Variants in GRID2 observed in about 807,000 individuals in gnomAD.
GRID2 encodes glutamate receptor ionotropic, delta-2.
In GRID2, 33 loss-of-function variants were observed where a neutral mutation model predicts 114.8. That is an observed-to-expected ratio of 0.29 (90% confidence interval 0.22 to 0.38). GRID2 has a LOEUF of 0.38. Ranked by LOEUF, GRID2 falls within the 10% of genes least tolerant of loss-of-function variation. The pLI, the probability that GRID2 is intolerant of heterozygous loss-of-function variation, is 1.00. For missense variants in GRID2, 1,184 were observed against 1,257.7 expected (o/e 0.94, Z 0.89); for synonymous variants, 505 against 449.9 (o/e 1.12, Z -1.55).
chr4:92,348,274 A>G (rs1727882441), intron 1 of GRID2, among the ~76,000 whole-genome samples: 1 of 152,140 alleles, frequency 6.6e-6, no homozygotes, highest in Non-Finnish European at 1.5e-5. Context: ...AGACTTTAAT[A>G]TTTTAGGCGA....
At chr4:93,665,425 G>C (rs1029896856) in intron 14 of GRID2, among the ~76,000 whole-genome samples, 2 of 152,162 alleles carry the variant, frequency 1.3e-5, no homozygotes, top group Non-Finnish European at 1.5e-5. Flanking sequence ...ATGTGGGGTA[G>C]TGTTTTTACT....
intron 14 of GRID2, among the ~76,000 whole-genome samples, chr4:93,697,272 A>G (rs538854371): frequency 6.6e-6 from 1 of 152,276 alleles, no homozygotes; most frequent in South Asian, 2.1e-4. Flanking sequence ...TTTTCTGAAA[A>G]GAAGTAGACT....
At chr4:93,344,428 T>G (rs963563911) in intron 8 of GRID2, among the ~76,000 whole-genome samples, 1 of 151,676 alleles carries the variant, frequency 6.6e-6, no homozygotes, top group African/African-American at 2.4e-5. Context: ...TTTTCCCCCC[T>G]CAGCTTTATT....
At chr4:92,934,216 T>C (rs1750461733) in intron 2 of GRID2, among the ~76,000 whole-genome samples, 1 of 151,832 alleles carries the variant, frequency 6.6e-6, no homozygotes, top group African/African-American at 2.4e-5. Context: ...CATTGAGCAG[T>C]GGTTTCTAGT....
At chr4:92,972,203 ATTTT>A (rs748827964) in intron 2 of GRID2, among the ~76,000 whole-genome samples, 11 of 140,380 alleles carry the variant, frequency 7.8e-5, no homozygotes, top group Non-Finnish European at 1.4e-4. Flanking sequence ...CTTTGCTAGC[ATTTT>A]TTTTTTTTTG....
chr4:92,537,793 G>T (rs1025209847), intron 1 of GRID2, among the ~76,000 whole-genome samples: 3 of 130,730 alleles, frequency 2.3e-5, no homozygotes, highest in Admixed American at 1.4e-4. Flanking sequence ...CGGTGTGTGT[G>T]TGTGTGTGTG....
intron 2 of GRID2, among the ~76,000 whole-genome samples, chr4:92,958,924 G>A (rs1440039339): frequency 1.3e-5 from 2 of 151,774 alleles, no homozygotes; most frequent in African/African-American, 4.8e-5. Flanking sequence ...GAGTAGGTCT[G>A]TTTCAACTAG....
intron 8 of GRID2, among the ~76,000 whole-genome samples, chr4:93,267,151 A>G (rs1181565898): frequency 6.7e-6 from 1 of 148,408 alleles, no homozygotes; most frequent in African/African-American, 2.5e-5. Context: ...GTTCCATTGA[A>G]TAGTACACAC....
chr4:92,404,778 G>A (rs893223792), intron 1 of GRID2, among the ~76,000 whole-genome samples: 1 of 152,104 alleles, frequency 6.6e-6, no homozygotes, highest in Admixed American at 6.6e-5. Flanking sequence ...ACTAACACAG[G>A]AACAGAAAAC....
rs772819245 is a variant in GRID2 at position 93,395,711 on chromosome 4, A to G, written c.1347+3A>G. ...TTCTACGTGTAGTAACTGTTCTGGT[A>G]AGTATTATCTGAGCCTCGTGGTTTT... On this transcript the variant is annotated splice_donor_region_variant and intron_variant, in intron 9 of 15. Coordinates refer to ENST00000282020, the MANE Select transcript of GRID2 (RefSeq NM_001510.4). 3 of 1,335,670 alleles carry G rather than the reference A, an allele frequency of 2.2e-6. No homozygotes were observed. The highest frequency in any genetic ancestry group is 1.2e-5 in the South Asian group (1 of 83,984). The allele number at this position is 1,335,670 out of a possible 1,614,324, so 82.7% of individuals were successfully genotyped here. A position where few individuals can be genotyped will look rare whatever the true frequency, so the allele number is the denominator to read the frequency against.
At chr4:92,986,072 T>C (rs955976917) in intron 2 of GRID2, among the ~76,000 whole-genome samples, 2 of 152,194 alleles carry the variant, frequency 1.3e-5, no homozygotes, top group African/African-American at 2.4e-5. Flanking sequence ...GTAAAATTGA[T>C]TTTTATATTT....
intron 2 of GRID2, among the ~76,000 whole-genome samples, chr4:93,078,587 C>G (rs963211056): frequency 1.3e-5 from 2 of 149,412 alleles, no homozygotes; most frequent in African/African-American, 2.4e-5. Flanking sequence ...TCTGAATTTC[C>G]TTAAATCGGG....
intron 13 of GRID2, among the ~76,000 whole-genome samples, chr4:93,532,388 T>TCAGAA (rs1278753942): frequency 6.6e-6 from 1 of 152,190 alleles, no homozygotes; most frequent in Admixed American, 6.6e-5. Context: ...TATGCTTTCA[T>TCAGAA]TTACTGATTC....
intron 13 of GRID2, among the ~76,000 whole-genome samples, chr4:93,551,875 G>A (rs186561876): frequency 6.6e-6 from 1 of 152,166 alleles, no homozygotes; most frequent in South Asian, 2.1e-4. Context: ...ATATTTAAAT[G>A]TGTTTTTTAA....
chr4:93,778,600 G>A (rs1028945423), downstream of GRID2, among the ~76,000 whole-genome samples: 1 of 152,046 alleles, frequency 6.6e-6, no homozygotes, highest in South Asian at 2.1e-4. Context: ...GTTTCACCAT[G>A]TTGGGCAGGC....
intron 8 of GRID2, among the ~76,000 whole-genome samples, chr4:93,394,600 CA>C (rs1765153941): frequency 1.3e-5 from 2 of 151,886 alleles, no homozygotes; most frequent in African/African-American, 4.8e-5. Context: ...GGAAACAGCA[CA>C]AATAACCATT....
At chr4:93,622,356 C>A (rs1160897769) in intron 13 of GRID2, among the ~76,000 whole-genome samples, 1 of 152,130 alleles carries the variant, frequency 6.6e-6, no homozygotes, top group Admixed American at 6.5e-5. Flanking sequence ...GATGATATTA[C>A]TCATTTTTTT....
intron 8 of GRID2, among the ~76,000 whole-genome samples, chr4:93,249,514 T>G (rs1313861916): frequency 6.6e-6 from 1 of 152,178 alleles, no homozygotes; most frequent in East Asian, 1.9e-4. Flanking sequence ...GAGCATGGAA[T>G]GTTTTTCCAT....
At position 92,915,715 on chromosome 4, in the gene GRID2, G is replaced by A. The variant is rs1376396279; in HGVS notation, c.245-169280G>A. Among the ~76,000 whole-genome samples, 12 of 152,040 alleles carry A rather than the reference G, an allele frequency of 7.9e-5. No individual in the cohort carries two copies. The East Asian group carries it at 9.7e-4, about 12-fold the overall frequency. ...TATAAGTGTTCCTTTACTGCATAGCGTGGCCAGCATCTGTTATTTCTGACT... is the reference window on the plus strand; with the variant it reads ...TATAAGTGTTCCTTTACTGCATAGCATGGCCAGCATCTGTTATTTCTGACT... On this transcript the variant is annotated intron_variant, in intron 2 of 15. Transcript: ENST00000282020.
Sources: gnomAD v4.1 joint callset for allele counts (sites outside exome capture counted in the v4.1 genomes callset) on GRCh38, gnomAD v4.1.1 for gene constraint, MANE v1.5 for transcripts, NCBI Gene and HGNC (gene_info 2026-07-23, HGNC 2026-07-21) for gene names.